Variants in ZNF638 observed in about 807,000 individuals in gnomAD.
ZNF638 encodes CTCL tumor antigen se33-1.
A neutral mutation model predicts 195.6 loss-of-function variants in ZNF638; 46 were observed. The ratio of observed to expected loss-of-function variants is 0.24; its 90% CI spans 0.19 to 0.30. The LOEUF (loss-of-function observed/expected upper bound fraction) is 0.30. Ranked by LOEUF, ZNF638 falls within the 10% of genes least tolerant of loss-of-function variation. ZNF638 has a pLI of 1.00. For synonymous variants in ZNF638, 845 were observed against 772.0 expected, an observed-to-expected ratio of 1.09 and a Z score of -1.57; for missense variants, 2,440 against 2,325.3, an observed-to-expected ratio of 1.05 and a Z score of -1.01.
intron 20 of ZNF638, among the ~76,000 whole-genome samples, chr2:71,411,466 T>A (rs566540961): frequency 7.0e-4 from 72 of 103,506 alleles, no homozygotes; most frequent in South Asian, 1.6e-3. Flanking sequence ...TTTTATTTTT[T>A]ATTTTTAATT....
At chr2:71,356,961 A>G (rs2079034792) in intron 3 of ZNF638, among the ~76,000 whole-genome samples, 1 of 152,070 alleles carries the variant, frequency 6.6e-6, no homozygotes, top group African/African-American at 2.4e-5. Context: ...TGGCCTTATG[A>G]AATCTTGGAC....
chr2:71,350,579 C>T (rs2078923311), intron 2 of ZNF638, among the ~76,000 whole-genome samples: 2 of 152,112 alleles, frequency 1.3e-5, no homozygotes, highest in South Asian at 4.1e-4. Context: ...ACTTACAAGA[C>T]AATGTCACAT....
At chr2:71,431,154 C>T in intron 25 of ZNF638, 173 bp from the exon 26 acceptor site, 2 of 551,654 alleles carry the variant, frequency 3.6e-6, no homozygotes, top group Non-Finnish European at 6.6e-6. Flanking sequence ...ATGGATTTAC[C>T]CATTTATTCC....
intron 20 of ZNF638, among the ~76,000 whole-genome samples, chr2:71,414,806 C>G (rs2080283660): frequency 9.5e-6 from 1 of 105,714 alleles, no homozygotes; most frequent in Non-Finnish European, 2.0e-5. Context: ...ATTCTTAATC[C>G]TGAGTTCTAG....
intron 3 of ZNF638, among the ~76,000 whole-genome samples, chr2:71,356,651 A>G (rs934817953): frequency 6.6e-6 from 1 of 152,088 alleles, no homozygotes; most frequent in Non-Finnish European, 1.5e-5. Flanking sequence ...TCAGCCAGGC[A>G]TGGTAGTACA....
chr2:71,431,518 G>C, intron 26 of ZNF638, 90 bp downstream of exon 26: 1 of 1,085,640 alleles, frequency 9.2e-7, no homozygotes, highest in Non-Finnish European at 1.4e-6. Context: ...CCAGCACTTC[G>C]GGAGGCCGAG....
intron 10 of ZNF638, among the ~76,000 whole-genome samples, chr2:71,389,809 G>C (rs1157541211): frequency 6.6e-6 from 1 of 152,198 alleles, no homozygotes; most frequent in Non-Finnish European, 1.5e-5. Flanking sequence ...GTCATCCCCA[G>C]GCCGCTGATA....
intron 1 of ZNF638, among the ~76,000 whole-genome samples, chr2:71,336,526 TAAAA>T (rs1468309919): frequency 1.3e-5 from 2 of 152,214 alleles, no homozygotes; most frequent in African/African-American, 4.8e-5. Flanking sequence ...CTCGTCTTAC[TAAAA>T]GAAAGAAACA....
At chr2:71,335,783 T>C (rs2078655831) in intron 1 of ZNF638, among the ~76,000 whole-genome samples, 1 of 152,202 alleles carries the variant, frequency 6.6e-6, no homozygotes, top group Admixed American at 6.5e-5. Context: ...CAACAGTAAC[T>C]ATGAGTAATT....
intron 2 of ZNF638, among the ~76,000 whole-genome samples, chr2:71,353,832 C>G (rs112547310): frequency 2.0e-5 from 3 of 152,206 alleles, no homozygotes; most frequent in African/African-American, 7.2e-5. Flanking sequence ...ATGCCCAACC[C>G]ACTGCCTGCA....
intron 8 of ZNF638, chr2:71,376,115 G>C (rs2079417866): frequency 6.6e-6 from 1 of 152,206 alleles, no homozygotes; most frequent in Non-Finnish European, 1.5e-5. Flanking sequence ...TAAAGTAGCA[G>C]TGTAAGTCCA....
chr2:71,430,811 C>T (rs1462672407), intron 25 of ZNF638, among the ~76,000 whole-genome samples: 2 of 152,172 alleles, frequency 1.3e-5, no homozygotes, highest in Non-Finnish European at 2.9e-5. Flanking sequence ...TATGCAGAGT[C>T]TGCTAACATT....
intron 1 of ZNF638, among the ~76,000 whole-genome samples, chr2:71,348,270 T>C (rs1002227908): frequency 4.6e-5 from 7 of 152,254 alleles, no homozygotes; most frequent in Non-Finnish European, 1.0e-4. Context: ...ATGGGATTTA[T>C]TAGATGTCAA....
chr2:71,424,104 G>C, intron 22 of ZNF638, 66 bp downstream of exon 22: 1 of 1,530,866 alleles, frequency 6.5e-7, no homozygotes, highest in Non-Finnish European at 8.8e-7. Flanking sequence ...CTGTAGCTAT[G>C]TAGTAGGAGA....
intron 8 of ZNF638, chr2:71,376,395 G>T (rs2079425235): frequency 1.2e-5 from 1 of 84,970 alleles, no homozygotes. Flanking sequence ...AATTGTTTTT[G>T]TTGTTGTTTG....
At chr2:71,399,856 G>T (rs2079970790) in intron 13 of ZNF638, among the ~76,000 whole-genome samples, 1 of 151,890 alleles carries the variant, frequency 6.6e-6, no homozygotes, top group South Asian at 2.1e-4. Flanking sequence ...CCTTCCAATA[G>T]GCCCCAGTGT....
At chr2:71,339,974 A>G (rs902519941) in intron 1 of ZNF638, among the ~76,000 whole-genome samples, 6 of 152,208 alleles carry the variant, frequency 3.9e-5, no homozygotes, top group African/African-American at 1.4e-4. Flanking sequence ...ATAAAAAGGT[A>G]TATCTTACAA....
At chr2:71,351,341 A>C (rs1331974823) in intron 2 of ZNF638, among the ~76,000 whole-genome samples, 1 of 152,238 alleles carries the variant, frequency 6.6e-6, no homozygotes, top group Non-Finnish European at 1.5e-5. Context: ...TAACTCCAGC[A>C]AAAGAAAGCA....
At chr2:71,395,615 T>TA in intron 10 of ZNF638, 1 of 562,702 alleles carries the variant, frequency 1.8e-6, no homozygotes, top group South Asian at 1.5e-5. Context: ...GGGTGACAAT[T>TA]ACCTACAGAT....
Sources: allele counts gnomAD v4.1 joint callset (sites outside exome capture counted in the v4.1 genomes callset), GRCh38; gene constraint gnomAD v4.1.1; transcripts MANE v1.5; gene names NCBI Gene and HGNC (gene_info 2026-07-23, HGNC 2026-07-21).